DAB1: variants seen among roughly 807,000 people sequenced by gnomAD.
The protein encoded by DAB1 is disabled homolog 1.
In DAB1, 15 loss-of-function variants were observed where a neutral mutation model predicts 64.6. The observed-to-expected ratio is 0.23, with a 90% CI of 0.16 to 0.36. The LOEUF is 0.36. DAB1 is among the 10% of genes least tolerant of loss of function. The probability of loss-of-function intolerance (pLI) is 1.00; values close to 1 mark genes in which losing one functional copy is unlikely to be tolerated. For missense variants in DAB1, 596 were observed against 706.7 expected (o/e 0.84, Z 1.78); for synonymous variants, 235 against 251.9 (o/e 0.93, Z 0.64).
intron 2 of DAB1, among the ~76,000 whole-genome samples, chr1:57,167,662 C>T (rs1661332856): frequency 6.6e-6 from 1 of 152,300 alleles, no homozygotes; most frequent in African/African-American, 2.4e-5. Context: ...CTGTCCAGAA[C>T]TGAGATTACC....
intron 2 of DAB1, among the ~76,000 whole-genome samples, chr1:57,285,094 T>C (rs1672205913): frequency 6.6e-6 from 1 of 152,110 alleles, no homozygotes; most frequent in Admixed American, 6.5e-5. Flanking sequence ...ATATGAAATA[T>C]AAGGGAAGTA....
chr1:58,223,563 T>C (rs2100330172), intron 4 of DAB1, among the ~76,000 whole-genome samples: 1 of 152,366 alleles, frequency 6.6e-6, no homozygotes, highest in Non-Finnish European at 1.5e-5. Context: ...CTTGGCTTGC[T>C]TGCTTATTAG....
At chr1:57,553,061 G>A (rs1644933141) in intron 7 of DAB1, among the ~76,000 whole-genome samples, 1 of 151,960 alleles carries the variant, frequency 6.6e-6, no homozygotes, top group African/African-American at 2.4e-5. Flanking sequence ...TGACAGAGAT[G>A]ACAGAAGTAG....
intron 9 of DAB1, among the ~76,000 whole-genome samples, chr1:57,045,339 G>A (rs988307322): frequency 9.9e-5 from 15 of 152,178 alleles, no homozygotes; most frequent in South Asian, 6.2e-4. Context: ...CATCCTAGGC[G>A]ACTGTGGAAA....
chr1:57,312,311 C>T (rs527820327), intron 1 of DAB1, among the ~76,000 whole-genome samples: 16 of 151,096 alleles, frequency 1.1e-4, no homozygotes, highest in Admixed American at 5.3e-4. Context: ...AAGCAGATGC[C>T]GTCTACAATA....
chr1:58,246,401 A>G (rs1385899292), intron 4 of DAB1, among the ~76,000 whole-genome samples: 6 of 152,232 alleles, frequency 3.9e-5, no homozygotes, highest in Non-Finnish European at 7.3e-5. Flanking sequence ...GAGCTTCCTG[A>G]GAGAAAGGGA....
At chr1:57,458,858 A>G (rs1290693860) in intron 7 of DAB1, among the ~76,000 whole-genome samples, 2 of 152,052 alleles carry the variant, frequency 1.3e-5, no homozygotes, top group African/African-American at 4.8e-5. Flanking sequence ...GAAAACCAAA[A>G]TTGATGTTTA....
intron 6 of DAB1, among the ~76,000 whole-genome samples, chr1:57,658,877 C>T (rs1646350436): frequency 6.6e-6 from 1 of 152,136 alleles, no homozygotes; most frequent in African/African-American, 2.4e-5. Flanking sequence ...CTTTGCTTTG[C>T]TCTTAATATT....
At chr1:57,548,951 T>C (rs1356103001) in intron 7 of DAB1, among the ~76,000 whole-genome samples, 1 of 152,206 alleles carries the variant, frequency 6.6e-6, no homozygotes, top group Non-Finnish European at 1.5e-5. Context: ...CATTTTATTC[T>C]TGAGGAAAAT....
chr1:58,212,503 C>T (rs557502688), intron 4 of DAB1, among the ~76,000 whole-genome samples: 1 of 152,260 alleles, frequency 6.6e-6, no homozygotes, highest in African/African-American at 2.4e-5. Flanking sequence ...GCCTTGACAT[C>T]CAGGCCATCT....
At chr1:57,619,180 G>A (rs1331195586) in intron 7 of DAB1, among the ~76,000 whole-genome samples, 1 of 152,108 alleles carries the variant, frequency 6.6e-6, no homozygotes, top group Non-Finnish European at 1.5e-5. Context: ...AATATGATGG[G>A]TAGCAGTTAG....
At chr1:58,118,503 T>TATATATATATACACAC (rs1341446315) in intron 5 of DAB1, among the ~76,000 whole-genome samples, 179 of 53,026 alleles carry the variant, frequency 3.4e-3, no homozygotes, top group East Asian at 5.1e-3. Context: ...TATATATATA[T>TATATATATATACACAC]ACACACACAC....
intron 5 of DAB1, among the ~76,000 whole-genome samples, chr1:57,990,131 G>T (rs1476609070): frequency 6.6e-6 from 1 of 152,180 alleles, no homozygotes; most frequent in African/African-American, 2.4e-5. Flanking sequence ...TCAAGCAGCA[G>T]AGTGTCTCCT....
intron 3 of DAB1, among the ~76,000 whole-genome samples, chr1:58,462,095 G>A (rs149806113): frequency 1.6e-3 from 234 of 148,810 alleles, no homozygotes; most frequent in African/African-American, 4.9e-3. Flanking sequence ...TGAGATCCAC[G>A]TCGATCTGAG....
At chr1:58,297,096 A>T in intron 4 of DAB1, among the ~76,000 whole-genome samples, 1 of 152,288 alleles carries the variant, frequency 6.6e-6, no homozygotes, top group Middle Eastern at 3.4e-3. Flanking sequence ...ACAACCTTGC[A>T]AGGTAAGTAG....
chr1:57,966,178 C>T (rs1054159443), intron 5 of DAB1, among the ~76,000 whole-genome samples: 5 of 152,098 alleles, frequency 3.3e-5, no homozygotes, highest in Non-Finnish European at 4.4e-5. Context: ...CTTTTAATAT[C>T]GGTCTGTCTT....
chr1:57,538,990 T>C (rs1644763571), intron 7 of DAB1, among the ~76,000 whole-genome samples: 1 of 152,190 alleles, frequency 6.6e-6, no homozygotes, highest in Non-Finnish European at 1.5e-5. Flanking sequence ...ATTGCAGCCT[T>C]AGCATTTCAA....
intron 7 of DAB1, among the ~76,000 whole-genome samples, chr1:57,621,747 A>T (rs534731149): frequency 6.6e-6 from 1 of 152,284 alleles, no homozygotes; most frequent in East Asian, 1.9e-4. Flanking sequence ...AGGCAATCAA[A>T]ACCATATTCC....
At chr1:57,199,052 G>A (rs1426514853) in intron 2 of DAB1, among the ~76,000 whole-genome samples, 4 of 152,140 alleles carry the variant, frequency 2.6e-5, no homozygotes, top group Admixed American at 6.5e-5. Flanking sequence ...GAACTGCATA[G>A]AGGAGAGACT....
Sources: gnomAD v4.1 joint callset for allele counts (sites outside exome capture counted in the v4.1 genomes callset) on GRCh38, gnomAD v4.1.1 for gene constraint, MANE v1.5 for transcripts, NCBI Gene and HGNC (gene_info 2026-07-23, HGNC 2026-07-21) for gene names.